The following ALOX5 variants were observed in gnomAD, a reference collection of about 807,000 sequenced individuals.
ALOX5 encodes polyunsaturated fatty acid 5-lipoxygenase.
A neutral mutation model predicts 87.9 loss-of-function variants in ALOX5; 64 were observed. The ratio of observed to expected loss-of-function variants is 0.73; its 90% CI spans 0.60 to 0.90. The LOEUF (loss-of-function observed/expected upper bound fraction) is 0.90. ALOX5 is among the 40% of genes least tolerant of loss of function. ALOX5 has a pLI of 0.00. For synonymous variants in ALOX5, 388 were observed against 355.1 expected, an observed-to-expected ratio of 1.09 and a Z score of -1.04; for missense variants, 822 against 907.5, an observed-to-expected ratio of 0.91 and a Z score of 1.21.
At chr10:45,412,884 G>T (rs746422664) in intron 4 of ALOX5, among the ~76,000 whole-genome samples, 1 of 152,180 alleles carries the variant, frequency 6.6e-6, no homozygotes, top group Non-Finnish European at 1.5e-5. Flanking sequence ...CCGAATGTCC[G>T]CAGGGCTTTT....
At chr10:45,374,502 T>C (rs1277393182) in intron 1 of ALOX5, 73 bp downstream of exon 1, 1 of 1,309,830 alleles carries the variant, frequency 7.6e-7, no homozygotes, top group East Asian at 3.1e-5. Flanking sequence ...GGCAGAGGCC[T>C]GGGCGGGGGC....
chr10:45,444,144 C>A lies in ALOX5; in HGVS notation c.1703C>A (p.Ala568Glu). The change falls in exon 13 of 14, where the codon GCG becomes GAG. Residue 568 changes from alanine to glutamate, a missense_variant. Physicochemically the swap from Ala to Glu is moderately radical, Grantham distance 107. Coordinates refer to ENST00000374391, the MANE Select transcript of ALOX5 (RefSeq NM_000698.5). ...QYDWCSWIPN[A>E]PPTMRAPPPT... ...GACTGGTGCTCCTGGATCCCCAATGCGCCCCCAACCATGCGAGCCCCGCCA... is the reference window on the plus strand; with the variant it reads ...GACTGGTGCTCCTGGATCCCCAATGAGCCCCCAACCATGCGAGCCCCGCCA... 6.5e-7 allele frequency: 1 copy of A among 1,549,608 alleles called. No homozygotes were observed. The highest frequency in any genetic ancestry group is 1.4e-5 in the African/African-American group (1 of 73,180).
At chr10:45,400,644 A>G (rs1840666080) in intron 3 of ALOX5, among the ~76,000 whole-genome samples, 1 of 152,194 alleles carries the variant, frequency 6.6e-6, no homozygotes, top group Non-Finnish European at 1.5e-5. Flanking sequence ...GATAGATGCC[A>G]AACACTGAAT....
At chr10:45,383,623 G>A (rs995647412) in intron 2 of ALOX5, among the ~76,000 whole-genome samples, 1 of 152,200 alleles carries the variant, frequency 6.6e-6, no homozygotes, top group African/African-American at 2.4e-5. Context: ...GGGTAGGTAG[G>A]AAGAGATGAC....
intron 3 of ALOX5, among the ~76,000 whole-genome samples, chr10:45,402,270 G>A (rs1840728517): frequency 6.6e-6 from 1 of 152,010 alleles, no homozygotes; most frequent in African/African-American, 2.4e-5. Context: ...TGCTGTCAAG[G>A]GGTGAGAAAT....
At chr10:45,375,046 T>A (rs1216626364) in intron 1 of ALOX5, among the ~76,000 whole-genome samples, 1 of 151,978 alleles carries the variant, frequency 6.6e-6, no homozygotes, top group African/African-American at 2.4e-5. Context: ...GGTCCATGAG[T>A]CATGGGTGAG....
At chr10:45,423,171 G>A (rs1039596653) in intron 4 of ALOX5, among the ~76,000 whole-genome samples, 1 of 152,224 alleles carries the variant, frequency 6.6e-6, no homozygotes, top group Admixed American at 6.5e-5. Flanking sequence ...CCAGCCTGAA[G>A]GAAACAGATG....
chr10:45,383,087 G>GCT (rs1314932489), intron 2 of ALOX5, among the ~76,000 whole-genome samples: 1 of 152,250 alleles, frequency 6.6e-6, no homozygotes, highest in Non-Finnish European at 1.5e-5. Context: ...TCACAGTAGG[G>GCT]CTCAGGCAAG....
chr10:45,430,802 G>A (rs897829073), intron 7 of ALOX5, among the ~76,000 whole-genome samples: 10 of 152,058 alleles, frequency 6.6e-5, no homozygotes, highest in South Asian at 4.1e-4. Flanking sequence ...CCTACACAGC[G>A]AGCAGCTGAG....
chr10:45,437,346 G>A (rs145598931), intron 7 of ALOX5, among the ~76,000 whole-genome samples: 12 of 152,252 alleles, frequency 7.9e-5, no homozygotes, highest in Admixed American at 6.5e-4. Flanking sequence ...GTGAGACTCC[G>A]TCTCAAATAA....
At chr10:45,412,040 GGA>G (rs1841081601) in intron 3 of ALOX5, 149 bp from the exon 4 acceptor site, 10 of 1,177,636 alleles carry the variant, frequency 8.5e-6, no homozygotes, top group Admixed American at 5.2e-5. Context: ...GAACCTTACT[GGA>G]CACAGGGTCA....
rs754284491 is a variant in ALOX5 at position 45,395,828 on chromosome 10, T to C, written c.350-27T>C. On this transcript the variant is annotated intron_variant, in intron 2 of 13. Coordinates refer to ENST00000374391, the MANE Select transcript of ALOX5 (RefSeq NM_000698.5). The stretch of plus-strand genomic sequence containing the variant: ...GCATTGTTATTGTTCTTCCTCAGGC[T>C]CCTCTCATGTTGTTCTTTCTTTACA... 3 of 1,606,118 alleles carry C rather than the reference T, an allele frequency of 1.9e-6. No homozygotes were observed. The South Asian group carries it at 3.3e-5, about 18-fold the overall frequency.
At chr10:45,382,322 C>T (rs1024214591) in intron 1 of ALOX5, among the ~76,000 whole-genome samples, 161 bp from the exon 2 acceptor site, 1 of 152,176 alleles carries the variant, frequency 6.6e-6, no homozygotes, top group African/African-American at 2.4e-5. Context: ...AGAAACAGCA[C>T]GAATGTCAGA....
intron 8 of ALOX5, among the ~76,000 whole-genome samples, chr10:45,441,115 G>A (rs1564449280): frequency 6.6e-6 from 1 of 152,222 alleles, no homozygotes. Flanking sequence ...GGTAAGCATT[G>A]TACAAGTGCT....
intron 2 of ALOX5, among the ~76,000 whole-genome samples, chr10:45,386,704 A>G (rs1200392568): frequency 2.0e-5 from 3 of 152,220 alleles, no homozygotes; most frequent in Admixed American, 6.5e-5. Context: ...GTTTTAAAAC[A>G]CAATGCTTTA....
At chr10:45,404,831 G>A (rs1840821965) in intron 3 of ALOX5, among the ~76,000 whole-genome samples, 2 of 152,178 alleles carry the variant, frequency 1.3e-5, no homozygotes, top group Non-Finnish European at 2.9e-5. Flanking sequence ...GTGTTTTTAA[G>A]CTTTCTAGAT....
intron 2 of ALOX5, 101 bp from the exon 3 acceptor site, chr10:45,395,754 A>C: frequency 1.0e-6 from 1 of 964,310 alleles, no homozygotes. Context: ...CACATAAAGC[A>C]CTCGGCATGG....
intron 4 of ALOX5, among the ~76,000 whole-genome samples, chr10:45,420,331 C>T: frequency 6.6e-6 from 1 of 152,146 alleles, no homozygotes. Flanking sequence ...ATTTTATTTG[C>T]TAAGGTAGCA....
intron 3 of ALOX5, among the ~76,000 whole-genome samples, chr10:45,404,395 G>A (rs1022338442): frequency 3.9e-5 from 6 of 152,224 alleles, no homozygotes; most frequent in Non-Finnish European, 7.3e-5. Flanking sequence ...CAGCCACGCA[G>A]GGAGAAGGAG....
Sources: gnomAD v4.1 joint callset for allele counts (sites outside exome capture counted in the v4.1 genomes callset) on GRCh38, gnomAD v4.1.1 for gene constraint, MANE v1.5 for transcripts, NCBI Gene and HGNC (gene_info 2026-07-23, HGNC 2026-07-21) for gene names.